The following RABGAP1L variants were observed in gnomAD, a reference collection of about 807,000 sequenced individuals.
RABGAP1L encodes RAB GTPase activating protein 1 like.
In RABGAP1L, 63 loss-of-function variants were observed where a neutral mutation model predicts 137.7. The observed-to-expected ratio is 0.46, with a 90% CI of 0.37 to 0.56. RABGAP1L has a LOEUF of 0.56. Ranked by LOEUF, RABGAP1L falls within the 20% of genes least tolerant of loss-of-function variation. The probability of loss-of-function intolerance (pLI) is 0.00; values close to 1 mark genes in which losing one functional copy is unlikely to be tolerated. For missense variants in RABGAP1L, 1,095 were observed against 1,244.0 expected (o/e 0.88, Z 1.80); for synonymous variants, 431 against 433.7 (o/e 0.99, Z 0.08).
chr1:174,811,785 C>G (rs770259951), intron 18 of RABGAP1L, 47 bp from the exon 19 acceptor site: 6 of 1,452,100 alleles, frequency 4.1e-6, no homozygotes, highest in Non-Finnish European at 5.5e-6. Flanking sequence ...TATTTGTCCT[C>G]AAAGCAGGCT....
intron 19 of RABGAP1L, among the ~76,000 whole-genome samples, chr1:174,950,094 A>G (rs772580096): frequency 6.6e-6 from 1 of 152,176 alleles, no homozygotes; most frequent in African/African-American, 2.4e-5. Flanking sequence ...TGGGAAAGCT[A>G]GACATGTCAG....
chr1:174,268,392 C>G (rs112478069), intron 7 of RABGAP1L, among the ~76,000 whole-genome samples: 2 of 151,756 alleles, frequency 1.3e-5, no homozygotes, highest in Admixed American at 1.3e-4. Context: ...TTAGTAGAGA[C>G]GGAGGTTTCA....
chr1:174,511,885 C>T (rs1662381795), intron 13 of RABGAP1L, among the ~76,000 whole-genome samples: 1 of 152,156 alleles, frequency 6.6e-6, no homozygotes, highest in Non-Finnish European at 1.5e-5. Flanking sequence ...TCCCAAAGTG[C>T]TGGGATTACA....
At position 174,224,148 on chromosome 1, in the gene RABGAP1L, A is replaced by G. The variant is rs575522887; in HGVS notation, c.331+2984A>G. 3.9e-5 allele frequency among the ~76,000 whole-genome samples: 6 copies of G among 152,330 alleles called. No individual in the cohort carries two copies. In the South Asian group the frequency reaches 1.2e-3, roughly 32 times the overall value. On this transcript the variant is annotated intron_variant, in intron 3 of 25. Transcript: ENST00000681986. ...GTCAAGGTAGGAAAAGCCAAATCAC[A>G]AAAGGAAAAGATAGTTGCATATCAT...
intron 13 of RABGAP1L, among the ~76,000 whole-genome samples, chr1:174,595,504 TG>T (rs1669812179): frequency 1.6e-5 from 1 of 61,742 alleles, no homozygotes; most frequent in Non-Finnish European, 2.9e-5. Flanking sequence ...TTTTGGTCTT[TG>T]ATGATGGTGA....
chr1:174,954,599 G>C (rs1668236569), intron 19 of RABGAP1L, among the ~76,000 whole-genome samples: 1 of 152,184 alleles, frequency 6.6e-6, no homozygotes, highest in Admixed American at 6.5e-5. Context: ...CTTCCAGTAT[G>C]TAATTCAGTC....
intron 13 of RABGAP1L, among the ~76,000 whole-genome samples, chr1:174,437,712 C>T (rs1653576519): frequency 6.6e-6 from 1 of 152,038 alleles, no homozygotes; most frequent in Admixed American, 6.6e-5. Flanking sequence ...TCAGGAAATA[C>T]AGAGAAAACC....
At chr1:174,638,598 G>T (rs977015731) in intron 14 of RABGAP1L, among the ~76,000 whole-genome samples, 1 of 148,832 alleles carries the variant, frequency 6.7e-6, no homozygotes, top group Non-Finnish European at 1.5e-5. Flanking sequence ...TATGTTTATT[G>T]CGGCATTATT....
At chr1:174,942,808 C>T (rs1420787910) in intron 19 of RABGAP1L, among the ~76,000 whole-genome samples, 1 of 152,144 alleles carries the variant, frequency 6.6e-6, no homozygotes, top group Non-Finnish European at 1.5e-5. Flanking sequence ...CTTTGCAGTT[C>T]TCCGCCTCCA....
At chr1:174,236,990 T>C (rs369847118) in intron 4 of RABGAP1L, among the ~76,000 whole-genome samples, 3,117 of 105,822 alleles carry the variant, frequency 0.029, 42 homozygotes, top group African/African-American at 0.12. Context: ...TAGTTAGCTC[T>C]TCTTGTTGAA....
chr1:174,269,499 T>C (rs1407439427), intron 7 of RABGAP1L, among the ~76,000 whole-genome samples: 2 of 152,228 alleles, frequency 1.3e-5, no homozygotes, highest in South Asian at 2.1e-4. Flanking sequence ...GGCAAAACCA[T>C]TGTTTTTGAA....
At position 174,541,499 on chromosome 1, in the gene RABGAP1L, G is replaced by T. The variant is rs142656336; in HGVS notation, c.1711-95876G>T. Reference sequence around the variant, plus strand: ...TAGTTTATTAAGAGTTTTTAGGCCGGGTGCGGTGGCTCACCACCTGTAATC... The same window carrying T: ...TAGTTTATTAAGAGTTTTTAGGCCGTGTGCGGTGGCTCACCACCTGTAATC... On this transcript the variant is annotated intron_variant, in intron 13 of 25. Coordinates refer to ENST00000681986, the MANE Select transcript of RABGAP1L (RefSeq NM_001366446.1). Among the ~76,000 whole-genome samples the T allele has an allele frequency of 2.8e-3, 429 of 152,156 alleles. 5 individuals carry two copies. Among genetic ancestry groups the T allele is most frequent in the African/African-American group, 9.9e-3 (411 of 41,522 alleles).
intron 13 of RABGAP1L, among the ~76,000 whole-genome samples, chr1:174,530,352 G>C (rs1386583336): frequency 6.6e-6 from 1 of 152,116 alleles, no homozygotes; most frequent in Non-Finnish European, 1.5e-5. Flanking sequence ...ATCTGTTGTA[G>C]ACAGCACTCA....
chr1:174,697,083 A>G (rs1442250819), intron 15 of RABGAP1L, among the ~76,000 whole-genome samples: 2 of 152,222 alleles, frequency 1.3e-5, no homozygotes, highest in Non-Finnish European at 2.9e-5. Flanking sequence ...GGGAGGCACT[A>G]TACCTTTATC....
At chr1:174,557,740 T>C (rs143736868) in intron 13 of RABGAP1L, among the ~76,000 whole-genome samples, 85 of 152,328 alleles carry the variant, frequency 5.6e-4, no homozygotes, top group African/African-American at 2.0e-3. Flanking sequence ...GTCTAAATCC[T>C]TATAGGAATA....
At chr1:174,415,773 C>T (rs1009502845) in intron 13 of RABGAP1L, among the ~76,000 whole-genome samples, 3 of 151,758 alleles carry the variant, frequency 2.0e-5, no homozygotes, top group African/African-American at 4.8e-5. Flanking sequence ...ATTCTTTAAT[C>T]GATGTTACTG....
intron 19 of RABGAP1L, among the ~76,000 whole-genome samples, chr1:174,955,814 G>C (rs146593036): frequency 6.6e-6 from 1 of 152,276 alleles, no homozygotes; most frequent in African/African-American, 2.4e-5. Flanking sequence ...AGGCACAGTG[G>C]CTCAGGCCTG....
intron 1 of RABGAP1L, among the ~76,000 whole-genome samples, chr1:174,188,173 G>A (rs1005492204): frequency 6.6e-6 from 1 of 152,164 alleles, no homozygotes; most frequent in Non-Finnish European, 1.5e-5. Flanking sequence ...TATGGGTGAG[G>A]AAATTAGCCT....
chr1:174,699,878 T>A (rs372549233), intron 16 of RABGAP1L, among the ~76,000 whole-genome samples: 141 of 152,344 alleles, frequency 9.3e-4, no homozygotes, highest in African/African-American at 3.1e-3. Context: ...AAGTTAAATA[T>A]ACTTTGAAGT....
Sources: gnomAD v4.1 joint callset for allele counts (sites outside exome capture counted in the v4.1 genomes callset) on GRCh38, gnomAD v4.1.1 for gene constraint, MANE v1.5 for transcripts, NCBI Gene and HGNC (gene_info 2026-07-23, HGNC 2026-07-21) for gene names.